CTNNA3: variants seen among roughly 807,000 people sequenced by gnomAD.
The protein encoded by CTNNA3 is catenin alpha 3.
A neutral mutation model predicts 95.7 loss-of-function variants in CTNNA3; 76 were observed. The ratio of observed to expected loss-of-function variants is 0.79; its 90% CI spans 0.66 to 0.96. The LOEUF (loss-of-function observed/expected upper bound fraction) is 0.96, where lower values mean the gene tolerates loss of function less well. Ranked by LOEUF, CTNNA3 falls within the 40% of genes least tolerant of loss-of-function variation. CTNNA3 has a pLI of 0.00. For synonymous variants in CTNNA3, 431 were observed against 374.4 expected (o/e 1.15, Z -1.74); for missense variants, 1,191 against 1,089.8 (o/e 1.09, Z -1.31).
intron 5 of CTNNA3, among the ~76,000 whole-genome samples, chr10:67,365,413 G>C (rs761849801): frequency 2.0e-5 from 3 of 152,062 alleles, no homozygotes; most frequent in African/African-American, 7.2e-5. Context: ...CACAGCAAAA[G>C]AAAATACCAT....
intron 5 of CTNNA3, among the ~76,000 whole-genome samples, chr10:67,338,779 T>A (rs1842080030): frequency 6.6e-6 from 1 of 152,214 alleles, no homozygotes; most frequent in Non-Finnish European, 1.5e-5. Context: ...GTAAAAGACA[T>A]TTCTGCCAAT....
chr10:66,969,557 T>C (rs1170984910), intron 7 of CTNNA3, among the ~76,000 whole-genome samples: 2 of 152,122 alleles, frequency 1.3e-5, no homozygotes, highest in African/African-American at 2.4e-5. Flanking sequence ...AAGGACAGAT[T>C]TAGCATTTTT....
chr10:67,300,868 A>C (rs1840237893), intron 5 of CTNNA3, among the ~76,000 whole-genome samples: 2 of 152,190 alleles, frequency 1.3e-5, no homozygotes, highest in Admixed American at 1.3e-4. Flanking sequence ...TGAGTCAATA[A>C]GAGGTGGCAA....
chr10:66,597,533 T>C lies in CTNNA3; in HGVS notation c.1374+24159A>G, dbSNP rs1484534918. Among the ~76,000 whole-genome samples, 558 of 136,168 alleles carry C rather than the reference T, an allele frequency of 4.1e-3. 13 individuals carry two copies. Among genetic ancestry groups the C allele is most frequent in the Non-Finnish European group, 4.1e-3 (255 of 62,144 alleles). The allele number at this position is 136,168 out of a possible 152,430, so 89.3% of individuals were successfully genotyped here. ...ATACATATATATATATATATATATA[T>C]ATATATATATATATATATATATTTA... On this transcript the variant is annotated intron_variant, in intron 10 of 17. Coordinates refer to ENST00000433211, the MANE Select transcript of CTNNA3 (RefSeq NM_013266.4).
intron 11 of CTNNA3, among the ~76,000 whole-genome samples, chr10:66,434,789 T>A (rs7476520): frequency 0.38 from 58,131 of 152,010 alleles, 11,685 homozygotes; most frequent in African/African-American, 0.5. Flanking sequence ...GTTTGTCATA[T>A]ATAGCTCTTA....
intron 11 of CTNNA3, among the ~76,000 whole-genome samples, chr10:66,397,869 T>G (rs2092991859): frequency 6.6e-6 from 1 of 151,766 alleles, no homozygotes; most frequent in South Asian, 2.1e-4. Flanking sequence ...TGAAAATAAT[T>G]TTTTAAAAGT....
intron 13 of CTNNA3, among the ~76,000 whole-genome samples, chr10:66,280,208 C>A (rs1175582667): frequency 6.6e-6 from 1 of 152,010 alleles, no homozygotes; most frequent in East Asian, 1.9e-4. Flanking sequence ...CTCAACAAAT[C>A]CTGCACCCAA....
intron 6 of CTNNA3, among the ~76,000 whole-genome samples, chr10:67,196,113 A>C (rs1334121958): frequency 1.3e-5 from 2 of 152,084 alleles, no homozygotes; most frequent in African/African-American, 2.4e-5. Flanking sequence ...AATGGAATGA[A>C]ATTTTTCCTT....
intron 1 of CTNNA3, among the ~76,000 whole-genome samples, chr10:67,725,902 T>C (rs1285577850): frequency 7.1e-6 from 1 of 140,240 alleles, no homozygotes; most frequent in Non-Finnish European, 1.5e-5. Context: ...ATAATATATA[T>C]AATTATATAT....
chr10:66,499,557 G>A (rs1353551219), intron 11 of CTNNA3, among the ~76,000 whole-genome samples: 1 of 151,940 alleles, frequency 6.6e-6, no homozygotes, highest in African/African-American at 2.4e-5. Flanking sequence ...TGAACTCCTG[G>A]GACGACAGGG....
intron 7 of CTNNA3, among the ~76,000 whole-genome samples, chr10:67,034,963 C>G (rs1853953964): frequency 6.6e-6 from 1 of 152,168 alleles, no homozygotes; most frequent in African/African-American, 2.4e-5. Context: ...CCACCTATGT[C>G]TATACTAGGA....
chr10:67,501,308 T>C (rs1473910530), intron 5 of CTNNA3, among the ~76,000 whole-genome samples: 1 of 152,252 alleles, frequency 6.6e-6, no homozygotes, highest in Non-Finnish European at 1.5e-5. Flanking sequence ...TCTTCTGGCT[T>C]GTAGGGTTTC....
intron 7 of CTNNA3, among the ~76,000 whole-genome samples, chr10:67,152,717 AC>A (rs997594223): frequency 1.3e-5 from 2 of 152,206 alleles, no homozygotes; most frequent in African/African-American, 4.8e-5. Context: ...ATTTATAATT[AC>A]CCACAAAATA....
intron 11 of CTNNA3, among the ~76,000 whole-genome samples, chr10:66,515,823 G>A (rs2660040): frequency 0.32 from 48,079 of 151,812 alleles, 7,812 homozygotes; most frequent in South Asian, 0.5. Flanking sequence ...CCACCCCTGT[G>A]ATTCAATTAT....
At chr10:67,537,020 T>C (rs938453584) in intron 4 of CTNNA3, among the ~76,000 whole-genome samples, 13 of 152,190 alleles carry the variant, frequency 8.5e-5, no homozygotes, top group Admixed American at 2.0e-4. Context: ...CCACAAAAGA[T>C]GTTCCCTTCT....
chr10:67,439,150 G>C (rs1846407804), intron 5 of CTNNA3, among the ~76,000 whole-genome samples: 1 of 152,100 alleles, frequency 6.6e-6, no homozygotes. Flanking sequence ...TCTGCTTGAG[G>C]AGAGGAAAGC....
At chr10:66,776,143 C>T (rs946492948) in intron 7 of CTNNA3, among the ~76,000 whole-genome samples, 3 of 152,144 alleles carry the variant, frequency 2.0e-5, no homozygotes, top group East Asian at 1.9e-4. Context: ...ATATCCTTAA[C>T]CTAAATCTTT....
At chr10:66,460,997 A>C (rs1282787632) in intron 11 of CTNNA3, among the ~76,000 whole-genome samples, 1 of 152,122 alleles carries the variant, frequency 6.6e-6, no homozygotes, top group African/African-American at 2.4e-5. Context: ...AAAACACAAA[A>C]ATGTGTTCAA....
intron 12 of CTNNA3, among the ~76,000 whole-genome samples, chr10:66,369,119 A>G (rs1041746684): frequency 7.2e-5 from 11 of 152,144 alleles, no homozygotes; most frequent in African/African-American, 2.7e-4. Flanking sequence ...TTACTAATAC[A>G]TTTCAGGAGA....
Sources: allele counts gnomAD v4.1 joint callset (sites outside exome capture counted in the v4.1 genomes callset), GRCh38; gene constraint gnomAD v4.1.1; transcripts MANE v1.5; gene names NCBI Gene and HGNC (gene_info 2026-07-23, HGNC 2026-07-21).